Variants in ERG observed in about 807,000 individuals in gnomAD.
The protein encoded by ERG is ETS transcription factor ERG.
A neutral mutation model predicts 55.3 loss-of-function variants in ERG; 9 were observed. The observed-to-expected ratio is 0.16, with a 90% confidence interval of 0.10 to 0.28. ERG has a LOEUF of 0.28. Among genes scored for constraint, ERG ranks in the 10% least tolerant of loss-of-function variants. The pLI is 1.00. For synonymous variants in ERG, 223 were observed against 237.3 expected (o/e 0.94, Z 0.55); for missense variants, 434 against 631.6 (o/e 0.69, Z 3.35).
At chr21:38,577,851 C>T (rs1024735492) in intron 1 of ERG, among the ~76,000 whole-genome samples, 1 of 152,212 alleles carries the variant, frequency 6.6e-6, no homozygotes, top group Non-Finnish European at 1.5e-5. Context: ...CCTGCCTGCA[C>T]ACACATGCTG....
intron 3 of ERG, among the ~76,000 whole-genome samples, chr21:38,418,413 A>G (rs1266060553): frequency 6.6e-6 from 1 of 151,736 alleles, no homozygotes; most frequent in East Asian, 1.9e-4. Flanking sequence ...CAGTCTCCCA[A>G]GTAGCTGGGA....
At chr21:38,596,067 G>T (rs2060129810) in intron 1 of ERG, among the ~76,000 whole-genome samples, 1 of 140,720 alleles carries the variant, frequency 7.1e-6, no homozygotes, top group Non-Finnish European at 1.5e-5. Context: ...GGGGGGGGGG[G>T]GTCTCTTTTT....
At chr21:38,506,133 T>TG (rs940478068) in intron 2 of ERG, among the ~76,000 whole-genome samples, 6 of 152,018 alleles carry the variant, frequency 3.9e-5, no homozygotes, top group Admixed American at 6.6e-5. Flanking sequence ...GGCATAAATC[T>TG]GGGGGGGTGA....
intron 1 of ERG, among the ~76,000 whole-genome samples, chr21:38,610,087 G>A (rs2060217277): frequency 6.6e-6 from 1 of 152,218 alleles, no homozygotes; most frequent in Admixed American, 6.5e-5. Context: ...GGGAAGGATG[G>A]AGGGAGATTC....
downstream of ERG, among the ~76,000 whole-genome samples, chr21:38,378,897 G>A (rs140316498): frequency 6.6e-6 from 1 of 152,288 alleles, no homozygotes; most frequent in African/African-American, 2.4e-5. Flanking sequence ...TGCAGAGCTG[G>A]GCAAATTGTT....
chr21:38,541,745 A>AG, intron 2 of ERG, among the ~76,000 whole-genome samples: 1 of 152,130 alleles, frequency 6.6e-6, no homozygotes, highest in Non-Finnish European at 1.5e-5. Context: ...ATGAATGCAC[A>AG]TTATTCTTCT....
At chr21:38,512,345 T>C (rs760693209) in intron 2 of ERG, among the ~76,000 whole-genome samples, 1 of 152,238 alleles carries the variant, frequency 6.6e-6, no homozygotes, top group Non-Finnish European at 1.5e-5. Context: ...GGAAAAAGCA[T>C]TGACATTCGT....
chr21:38,579,792 C>T (rs1329890950), intron 1 of ERG, among the ~76,000 whole-genome samples: 3 of 151,946 alleles, frequency 2.0e-5, no homozygotes, highest in Non-Finnish European at 4.4e-5. Flanking sequence ...AACCACCCTC[C>T]CCTGCCTCCT....
chr21:38,645,924 G>C (rs1164583701), intron 1 of ERG, among the ~76,000 whole-genome samples: 1 of 152,138 alleles, frequency 6.6e-6, no homozygotes, highest in South Asian at 2.1e-4. Flanking sequence ...GGAAGACGTC[G>C]ACCAGCACAA....
At chr21:38,416,628 C>T (rs932916148) in intron 3 of ERG, among the ~76,000 whole-genome samples, 4 of 152,306 alleles carry the variant, frequency 2.6e-5, no homozygotes, top group Admixed American at 1.3e-4. Flanking sequence ...TTAGTTCACA[C>T]GGCACCTCAA....
At chr21:38,559,522 T>C (rs1028082700) in intron 2 of ERG, among the ~76,000 whole-genome samples, 3 of 151,580 alleles carry the variant, frequency 2.0e-5, no homozygotes, top group Non-Finnish European at 4.4e-5. Context: ...TCTAACTAAC[T>C]GATGACAGAC....
chr21:38,449,819 C>T (rs558150452), intron 1 of ERG, among the ~76,000 whole-genome samples: 1 of 152,262 alleles, frequency 6.6e-6, no homozygotes, highest in South Asian at 2.1e-4. Flanking sequence ...TACTTAACCT[C>T]TTTTGAAAAT....
intron 2 of ERG, among the ~76,000 whole-genome samples, chr21:38,560,040 C>T (rs2059883451): frequency 6.6e-6 from 1 of 152,208 alleles, no homozygotes; most frequent in South Asian, 2.1e-4. Flanking sequence ...AGTAGTGGGA[C>T]TGTCCAACAG....
chr21:38,489,762 C>G (rs1568847821), intron 1 of ERG, among the ~76,000 whole-genome samples: 1 of 152,238 alleles, frequency 6.6e-6, no homozygotes, highest in African/African-American at 2.4e-5. Flanking sequence ...ATCAAGCTTG[C>G]AAACCTGCAC....
chr21:38,405,447 G>A (rs59370499), intron 3 of ERG, among the ~76,000 whole-genome samples: 6,358 of 152,140 alleles, frequency 0.042, 423 homozygotes, highest in African/African-American at 0.14. Flanking sequence ...GGTCCTTTCT[G>A]GAATCATCTG....
intron 1 of ERG, among the ~76,000 whole-genome samples, chr21:38,648,934 G>A (rs2060472821): frequency 6.6e-6 from 1 of 152,192 alleles, no homozygotes; most frequent in African/African-American, 2.4e-5. Flanking sequence ...GTGCCCAGGA[G>A]GAAGGTCTAG....
chr21:38,556,495 CT>C (rs2059859114), intron 2 of ERG, among the ~76,000 whole-genome samples: 1 of 152,114 alleles, frequency 6.6e-6, no homozygotes, highest in South Asian at 2.1e-4. Flanking sequence ...TTTCTGCAGC[CT>C]TTTGTGGATA....
chr21:38,515,495 AAAG>A (rs1178785698), intron 2 of ERG, among the ~76,000 whole-genome samples: 4 of 151,972 alleles, frequency 2.6e-5, no homozygotes, highest in Non-Finnish European at 5.9e-5. Context: ...CCAAACTTAG[AAAG>A]AAGAACTAAT....
chr21:38,414,327 T>A (rs1989187292), intron 3 of ERG, among the ~76,000 whole-genome samples: 1 of 152,220 alleles, frequency 6.6e-6, no homozygotes, highest in Non-Finnish European at 1.5e-5. Context: ...CTTAACTTGA[T>A]TAAATCTGCA....
Sources: gnomAD v4.1 joint callset for allele counts (sites outside exome capture counted in the v4.1 genomes callset) on GRCh38, gnomAD v4.1.1 for gene constraint, MANE v1.5 for transcripts, NCBI Gene and HGNC (gene_info 2026-07-23, HGNC 2026-07-21) for gene names.